Variants in RAG1 observed in about 807,000 individuals in gnomAD.
RAG1 encodes the protein recombination activating 1, also known as V(D)J recombination-activating protein 1.
A neutral mutation model predicts 62.7 loss-of-function variants in RAG1; 35 were observed. The ratio of observed to expected loss-of-function variants is 0.56; its 90% CI spans 0.43 to 0.74. The LOEUF is 0.74. Ranked by LOEUF, RAG1 falls within the 30% of genes least tolerant of loss-of-function variation. The pLI, the probability that RAG1 is intolerant of heterozygous loss-of-function variation, is 0.00. For synonymous variants in RAG1, 461 were observed against 470.3 expected, an observed-to-expected ratio of 0.98 and a Z score of 0.26; for missense variants, 1,169 against 1,278.6, an observed-to-expected ratio of 0.91 and a Z score of 1.31.
At chr11:36,572,931 A>G (rs1207080616) in intron 1 of RAG1, among the ~76,000 whole-genome samples, 1 of 152,190 alleles carries the variant, frequency 6.6e-6, no homozygotes, top group South Asian at 2.1e-4. Flanking sequence ...TTATCTTTAC[A>G]TTTACTGAAC....
At chr11:36,543,046 G>T (rs777080371) in intron 3 of RAG1, among the ~76,000 whole-genome samples, 1 of 152,072 alleles carries the variant, frequency 6.6e-6, no homozygotes, top group Admixed American at 6.6e-5. Flanking sequence ...AGATTTGAAC[G>T]AGTCACTACT....
upstream of RAG1, chr11:36,563,437 G>A (rs1358431028): frequency 1.3e-5 from 2 of 151,256 alleles, no homozygotes; most frequent in Admixed American, 6.6e-5. Flanking sequence ...ATTACACTAC[G>A]GATTTTCCTG....
intron 2 of RAG1, among the ~76,000 whole-genome samples, chr11:36,524,643 C>A (rs937707803): frequency 6.6e-6 from 1 of 151,976 alleles, no homozygotes; most frequent in African/African-American, 2.4e-5. Flanking sequence ...CACACACCAC[C>A]ACATCTGGCT....
At chr11:36,524,057 A>G (rs1860121595) in intron 2 of RAG1, among the ~76,000 whole-genome samples, 1 of 152,216 alleles carries the variant, frequency 6.6e-6, no homozygotes, top group African/African-American at 2.4e-5. Context: ...TATGAATGGA[A>G]TAATATAGTG....
At position 36,576,191 on chromosome 11, in the gene RAG1, G is replaced by A; in HGVS notation, c.2887G>A (p.Gly963Arg). 6.2e-7 allele frequency: 1 copy of A among 1,614,144 alleles called. No homozygotes were observed. The highest frequency in any genetic ancestry group is 8.5e-7 in the Non-Finnish European group (1 of 1,180,032). ...CTCCATTGGGGCATGGGCAAGTGAG[G>A]GAAATGAGTCTGGTAACAAACTGTT... Reference protein sequence around the residue: ...DGSIGAWASEGNESGNKLFRR... With the variant: ...DGSIGAWASERNESGNKLFRR... Residue 963 changes from glycine to arginine, a missense_variant, in exon 2 of 2, where the codon GGA (glycine) becomes AGA (arginine). Gly to Arg is a moderately radical substitution (Grantham distance 125). Coordinates refer to ENST00000299440, the MANE Select transcript of RAG1 (RefSeq NM_000448.3).
intron 1 of RAG1, among the ~76,000 whole-genome samples, chr11:36,514,416 G>T (rs1315939657): frequency 6.6e-6 from 1 of 152,206 alleles, no homozygotes; most frequent in Admixed American, 6.5e-5. Context: ...ACCAGGGAGT[G>T]GATTTTTGGA....
At chr11:36,512,735 TTTCC>T (rs1859943292) in intron 1 of RAG1, among the ~76,000 whole-genome samples, 1 of 152,168 alleles carries the variant, frequency 6.6e-6, no homozygotes, top group African/African-American at 2.4e-5. Context: ...AATGATCAGG[TTTCC>T]TGAAAAGCTG....
At position 36,575,713 on chromosome 11, in the gene RAG1, T is replaced by C. The variant is rs1160518633; in HGVS notation, c.2409T>C (p.Asn803=). 1 of 1,614,190 alleles carries C rather than the reference T, an allele frequency of 6.2e-7. No individual in the cohort carries two copies. Among genetic ancestry groups the C allele is most frequent in the African/African-American group, 1.3e-5 (1 of 75,044 alleles). ...ATGCACTCCACTGTGACATTGGCAA[T>C]GCAGCTGAGTTCTACAAGATCTTCC... is the stretch of plus-strand genomic sequence containing the variant. ...SIDALHCDIG[N]AAEFYKIFQL... is the part of the protein sequence containing the mutation. The change falls in exon 2 of 2, where the codon AAT becomes AAC. Residue 803 remains asparagine (N), a synonymous_variant. Coordinates refer to ENST00000299440, the MANE Select transcript of RAG1 (RefSeq NM_000448.3). The surrounding 1 kb of genome is among the most constrained non-coding windows in gnomAD (Gnocchi z 4.1).
chr11:36,523,499 T>C (rs1380942511), intron 2 of RAG1, among the ~76,000 whole-genome samples: 1 of 152,218 alleles, frequency 6.6e-6, no homozygotes, highest in Non-Finnish European at 1.5e-5. Flanking sequence ...GGTATGTCTT[T>C]ATTAGCAGTG....
chr11:36,559,120 T>C (rs913570294), intron 3 of RAG1, among the ~76,000 whole-genome samples: 1 of 152,206 alleles, frequency 6.6e-6, no homozygotes, highest in East Asian at 1.9e-4. Context: ...TGTAGTATTC[T>C]TGATTGACAG....
Position 36,575,839 on chromosome 11 carries a change from C to T in RAG1, c.2535C>T (p.Asn845=). ...ACAAGCATCTCCGGAAGAAGATGAA[C>T]CTCAAACCAATCATGAGGATGAATG... ...TLDKHLRKKM[N]LKPIMRMNGN... is the part of the protein sequence containing the mutation. Residue 845 remains asparagine (N), a synonymous_variant, in exon 2 of 2, where the codon AAC becomes AAT. Transcript: ENST00000299440. The surrounding 1 kb of genome is among the most constrained non-coding windows in gnomAD (Gnocchi z 4.1). The T allele has an allele frequency of 6.2e-7, 1 of 1,614,218 alleles. No individual in the cohort carries two copies. Among genetic ancestry groups the T allele is most frequent in the Non-Finnish European group, 8.5e-7 (1 of 1,180,052 alleles).
At chr11:36,515,219 ATGTAGAT>A (rs1859980053) in intron 1 of RAG1, among the ~76,000 whole-genome samples, 1 of 152,172 alleles carries the variant, frequency 6.6e-6, no homozygotes, top group Admixed American at 6.6e-5. Context: ...AAGAATAAGA[ATGTAGAT>A]ACGCTAACCT....
At chr11:36,518,769 A>C in intron 1 of RAG1, among the ~76,000 whole-genome samples, 1 of 152,126 alleles carries the variant, frequency 6.6e-6, no homozygotes, top group South Asian at 2.1e-4. Context: ...TAGATTGCAA[A>C]AATTTTCTCC....
chr11:36,517,058 G>A (rs1419708952), intron 1 of RAG1, among the ~76,000 whole-genome samples: 2 of 152,186 alleles, frequency 1.3e-5, no homozygotes, highest in Non-Finnish European at 2.9e-5. Context: ...GAGAGAATCT[G>A]AGGCAGGACA....
At chr11:36,570,031 A>G (rs1850717021) in intron 1 of RAG1, among the ~76,000 whole-genome samples, 1 of 152,184 alleles carries the variant, frequency 6.6e-6, no homozygotes, top group African/African-American at 2.4e-5. Flanking sequence ...TCTGGACCAT[A>G]GTTTATTTAA....
rs1213250007 is a variant in RAG1 at position 36,578,577 on chromosome 11, TA to T, written c.*2142del. 6.0e-6 allele frequency: 1 copy of T among 166,948 alleles called. No individual in the cohort carries two copies. The highest frequency in any genetic ancestry group is 2.4e-5 in the African/African-American group (1 of 41,464). 10.3% of individuals were successfully genotyped at this position (166,948 alleles called of 1,614,324 possible). On this transcript the variant is annotated 3_prime_UTR_variant, in exon 2 of 2. Coordinates refer to ENST00000299440, the MANE Select transcript of RAG1 (RefSeq NM_000448.3). ...TGGTGGCACTGTAAATACTTTCCAGTATTAAATTATCCTTTTCTAACACTGT... is the reference window on the plus strand; with the variant it reads ...TGGTGGCACTGTAAATACTTTCCAGTTTAAATTATCCTTTTCTAACACTGT...
At chr11:36,532,182 GA>G (rs895032424) in intron 2 of RAG1, among the ~76,000 whole-genome samples, 1 of 151,388 alleles carries the variant, frequency 6.6e-6, no homozygotes, top group East Asian at 1.9e-4. Context: ...AGAAATATTG[GA>G]AAAAAAGAAA....
In RAG1 at chr11:36,574,903, T is replaced by G; in HGVS notation, c.1599T>G (p.Thr533=). The part of the protein sequence containing the change: ...QPPLKNVSSS[T]DVGIIDGLSG... Reference sequence around the variant, plus strand: ...CTCTGAAGAATGTGTCTTCCAGCACTGATGTTGGCATTATTGATGGGCTGT... The same window carrying G: ...CTCTGAAGAATGTGTCTTCCAGCACGGATGTTGGCATTATTGATGGGCTGT... Residue 533 remains threonine, a synonymous_variant, in exon 2 of 2, where the codon ACT becomes ACG. Transcript: ENST00000299440. The G allele has an allele frequency of 6.2e-7, 1 of 1,614,240 alleles. No homozygotes were observed.
At chr11:36,538,784 G>A (rs1590675414), downstream of RAG1, among the ~76,000 whole-genome samples, 1 of 152,078 alleles carries the variant, frequency 6.6e-6, no homozygotes, top group African/African-American at 2.4e-5. Context: ...TATCTGAGGC[G>A]GATTTTCAAT....
Sources: gnomAD v4.1 joint callset for allele counts (sites outside exome capture counted in the v4.1 genomes callset) on GRCh38, gnomAD v4.1.1 for gene constraint, Gnocchi (gnomAD v3.1) non-coding constraint, MANE v1.5 for transcripts, NCBI Gene and HGNC (gene_info 2026-07-23, HGNC 2026-07-21) for gene names.